The following SATB2 variants were observed in gnomAD, a reference collection of about 807,000 sequenced individuals.
The protein encoded by SATB2 is SATB homeobox 2, also known as DNA-binding protein SATB2.
Under a neutral mutation model 73.4 loss-of-function variants are expected in SATB2, and 1 was observed. The ratio of observed to expected loss-of-function variants is 0.01; its 90% confidence interval spans 0.00 to 0.06. SATB2 has a LOEUF of 0.06. SATB2 is among the 10% of genes least tolerant of loss of function. The pLI is 1.00. For missense variants in SATB2, 459 were observed against 945.8 expected (o/e 0.49, Z 6.75); for synonymous variants, 397 against 367.0 (o/e 1.08, Z -0.93).
chr2:199,349,279 A>T (rs1238068780), intron 6 of SATB2, 106 bp from the exon 7 acceptor site: 2 of 892,336 alleles, frequency 2.2e-6, no homozygotes, highest in Non-Finnish European at 3.5e-6. Context: ...TAATAATATA[A>T]ACATTTTTTC....
chr2:199,350,171 A>C (rs1469759958), intron 6 of SATB2, among the ~76,000 whole-genome samples: 1 of 152,218 alleles, frequency 6.6e-6, no homozygotes, highest in Non-Finnish European at 1.5e-5. Flanking sequence ...ATTATTTCTT[A>C]TAATTGCAAA....
intron 3 of SATB2, among the ~76,000 whole-genome samples, chr2:199,394,142 C>T (rs1351673139): frequency 6.6e-6 from 1 of 152,162 alleles, no homozygotes; most frequent in Non-Finnish European, 1.5e-5. Flanking sequence ...TTTGCATTTG[C>T]ATAGTACCCA....
At chr2:199,362,251 G>A (rs1689159855) in intron 6 of SATB2, among the ~76,000 whole-genome samples, 1 of 152,088 alleles carries the variant, frequency 6.6e-6, no homozygotes, top group Non-Finnish European at 1.5e-5. Flanking sequence ...CATCTGTACT[G>A]ATGATCATGC....
chr2:199,310,220 A>G (rs13421225), intron 9 of SATB2, among the ~76,000 whole-genome samples: 1 of 152,188 alleles, frequency 6.6e-6, no homozygotes, highest in Non-Finnish European at 1.5e-5. Context: ...CTGTGAAGCC[A>G]CCAGGGATTT....
intron 5 of SATB2, among the ~76,000 whole-genome samples, chr2:199,369,144 AG>A (rs1660203420): frequency 6.6e-6 from 1 of 152,226 alleles, no homozygotes; most frequent in Admixed American, 6.5e-5. Context: ...AACAACATTT[AG>A]GGAAATAAGT....
chr2:199,280,433 C>G (rs1448598456), intron 10 of SATB2, among the ~76,000 whole-genome samples: 1 of 152,130 alleles, frequency 6.6e-6, no homozygotes, highest in Non-Finnish European at 1.5e-5. Context: ...GTTCAGGGAA[C>G]AAGAGAGATA....
At chr2:199,424,564 AT>A (rs1691272683) in intron 3 of SATB2, among the ~76,000 whole-genome samples, 1 of 152,230 alleles carries the variant, frequency 6.6e-6, no homozygotes. Context: ...ATAACACTGT[AT>A]CAAAGAAAAT....
chr2:199,398,252 AAAAAC>A (rs1490194205), intron 3 of SATB2, among the ~76,000 whole-genome samples: 3 of 152,236 alleles, frequency 2.0e-5, no homozygotes, highest in Non-Finnish European at 4.4e-5. Context: ...AGTAGAAAGA[AAAAAC>A]AAAAAGAGGA....
At chr2:199,298,752 C>T (rs1285705584) in intron 10 of SATB2, among the ~76,000 whole-genome samples, 2 of 152,126 alleles carry the variant, frequency 1.3e-5, no homozygotes, top group East Asian at 1.9e-4. Context: ...AGTGCACTGA[C>T]CAAACAGAGT....
chr2:199,302,597 G>A (rs1687318141), intron 10 of SATB2, among the ~76,000 whole-genome samples: 1 of 152,100 alleles, frequency 6.6e-6, no homozygotes, highest in Non-Finnish European at 1.5e-5. Flanking sequence ...ACTAGAGTGG[G>A]GATTCAAAAC....
intron 5 of SATB2, among the ~76,000 whole-genome samples, chr2:199,377,093 G>T (rs1048763536): frequency 1.3e-5 from 2 of 152,140 alleles, no homozygotes; most frequent in African/African-American, 2.4e-5. Context: ...TTAAAACACA[G>T]GGGCCAGGAG....
chr2:199,381,289 A>G (rs1368331936), intron 4 of SATB2, among the ~76,000 whole-genome samples: 3 of 152,208 alleles, frequency 2.0e-5, no homozygotes, highest in Admixed American at 2.0e-4. Flanking sequence ...ACCTCCTACA[A>G]GAACAAAACT....
intron 7 of SATB2, among the ~76,000 whole-genome samples, chr2:199,329,892 T>C (rs1373486715): frequency 5.3e-5 from 8 of 152,138 alleles, no homozygotes; most frequent in Non-Finnish European, 1.0e-4. Flanking sequence ...CTTGTTGGAT[T>C]ATCACACAGA....
At chr2:199,314,385 T>C (rs1457483409) in intron 9 of SATB2, among the ~76,000 whole-genome samples, 5 of 151,444 alleles carry the variant, frequency 3.3e-5, no homozygotes, top group Middle Eastern at 3.4e-3. Context: ...AGAAGCAACT[T>C]TGTCACTGTT....
In SATB2 at chr2:199,455,767, T is replaced by A; in HGVS notation, c.169+102A>T. The A allele has an allele frequency of 7.4e-7, 1 of 1,344,852 alleles. No individual in the cohort carries two copies. Among genetic ancestry groups the A allele is most frequent in the Non-Finnish European group, 1.0e-6 (1 of 976,516 alleles). The allele number at this position is 1,344,852 out of a possible 1,614,324, so 83.3% of individuals were successfully genotyped here. On this transcript the variant is annotated intron_variant, in intron 2 of 10. Transcript: ENST00000417098. This position sits in a 1 kb window ranked among gnomAD's most constrained non-coding sequence, Gnocchi z 4.1. ...ATTTGGCAACCTGGAATTCACTTCC[T>A]GTAATCCTACACCGCGACAGCGCCT... is the stretch of plus-strand genomic sequence containing the variant.
Position 199,349,073 on chromosome 2 carries a change from G to A in SATB2, c.801C>T (p.Thr267=). 1.2e-6 allele frequency: 2 copies of A among 1,614,038 alleles called. No homozygotes were observed. The highest frequency in any genetic ancestry group is 1.7e-6 in the Non-Finnish European group (2 of 1,179,960). ...NMNQLASLGK[T]NEQSPHSQIH... ...TTTGGCTGTGAGGAGACTGTTCGTTGGTTTTCCCCAGGGATGCCAGCTGGT... is the reference window on the plus strand; with the variant it reads ...TTTGGCTGTGAGGAGACTGTTCGTTAGTTTTCCCCAGGGATGCCAGCTGGT... Residue 267 remains threonine (T), a synonymous_variant, in exon 7 of 11, where the codon ACC becomes ACT. Transcript: ENST00000417098.
Position 199,455,839 on chromosome 2 carries a change from G to GA in SATB2, c.169+29_169+30insT. On this transcript the variant is annotated intron_variant, in intron 2 of 10. Transcript: ENST00000417098. This position sits in a 1 kb window ranked among gnomAD's most constrained non-coding sequence, Gnocchi z 4.1. ...CCGGGCCATTATCACTGGGCCGCGG[G>GA]CTGCGCGCCTCCCTGCTCCGGGCTG... 2.0e-6 allele frequency: 3 copies of GA among 1,533,986 alleles called. No individual in the cohort carries two copies. The highest frequency in any genetic ancestry group is 2.6e-6 in the Non-Finnish European group (3 of 1,146,218).
At chr2:199,422,303 T>G (rs538938638) in intron 3 of SATB2, among the ~76,000 whole-genome samples, 2 of 128,816 alleles carry the variant, frequency 1.6e-5, no homozygotes, top group Non-Finnish European at 3.5e-5. Context: ...AAATTTTTAG[T>G]TTTTTTTTTT....
intron 2 of SATB2, among the ~76,000 whole-genome samples, chr2:199,440,546 A>C (rs1179778284): frequency 6.6e-6 from 1 of 152,216 alleles, no homozygotes; most frequent in Non-Finnish European, 1.5e-5. Flanking sequence ...CCAATTTTAA[A>C]GGAGAGAGCA....
Sources: gnomAD v4.1 joint callset for allele counts (sites outside exome capture counted in the v4.1 genomes callset) on GRCh38, gnomAD v4.1.1 for gene constraint, Gnocchi (gnomAD v3.1) non-coding constraint, MANE v1.5 for transcripts, NCBI Gene and HGNC (gene_info 2026-07-23, HGNC 2026-07-21) for gene names.